Variants in GRM8 observed in about 807,000 individuals in gnomAD.
GRM8 encodes the protein glutamate metabotropic receptor 8.
GRM8 carries 47 observed loss-of-function variants against 87.2 expected under a neutral mutation model. The observed-to-expected ratio is 0.54, with a 90% CI of 0.43 to 0.69. The LOEUF (loss-of-function observed/expected upper bound fraction) is 0.69. Ranked by LOEUF, GRM8 falls within the 30% of genes least tolerant of loss-of-function variation. The pLI, the probability that GRM8 is intolerant of heterozygous loss-of-function variation, is 0.00. For synonymous variants in GRM8, 396 were observed against 404.5 expected (o/e 0.98, Z 0.25); for missense variants, 1,019 against 1,139.2 (o/e 0.89, Z 1.52).
chr7:126,550,936 G>C (rs1028016511), intron 8 of GRM8, among the ~76,000 whole-genome samples: 1 of 151,270 alleles, frequency 6.6e-6, no homozygotes, highest in Non-Finnish European at 1.5e-5. Context: ...AAAAAAAAGA[G>C]AGGAAAAAAC....
At chr7:126,947,641 C>A (rs1807687528) in intron 3 of GRM8, among the ~76,000 whole-genome samples, 1 of 151,730 alleles carries the variant, frequency 6.6e-6, no homozygotes, top group Non-Finnish European at 1.5e-5. Flanking sequence ...TAGGTTCCTC[C>A]CAATATGAAC....
At chr7:126,854,103 T>C (rs890747184) in intron 6 of GRM8, among the ~76,000 whole-genome samples, 6 of 152,216 alleles carry the variant, frequency 3.9e-5, no homozygotes, top group African/African-American at 1.4e-4. Flanking sequence ...ACTGTAATTC[T>C]TTCTGGTTCA....
intron 7 of GRM8, among the ~76,000 whole-genome samples, chr7:126,765,178 G>T (rs1318002371): frequency 6.6e-6 from 1 of 152,018 alleles, no homozygotes; most frequent in East Asian, 1.9e-4. Flanking sequence ...CCTGGAAATG[G>T]AGATCCTCTG....
At chr7:127,069,456 G>A (rs1016514294) in intron 3 of GRM8, among the ~76,000 whole-genome samples, 1 of 151,878 alleles carries the variant, frequency 6.6e-6, no homozygotes, top group Admixed American at 6.6e-5. Flanking sequence ...AAGCCACTGT[G>A]CCTGGCCAAT....
chr7:126,614,369 C>T (rs1490614223), intron 7 of GRM8, among the ~76,000 whole-genome samples: 1 of 152,172 alleles, frequency 6.6e-6, no homozygotes, highest in African/African-American at 2.4e-5. Flanking sequence ...ACCAAAACCA[C>T]ATCTGTACAT....
At chr7:126,763,103 C>A (rs1349304557) in intron 7 of GRM8, among the ~76,000 whole-genome samples, 1 of 108,998 alleles carries the variant, frequency 9.2e-6, no homozygotes, top group African/African-American at 4.3e-5. Context: ...TGTTTTGACA[C>A]AACACCCCCC....
At chr7:126,734,431 A>C (rs1036043365) in intron 7 of GRM8, among the ~76,000 whole-genome samples, 3 of 151,784 alleles carry the variant, frequency 2.0e-5, no homozygotes, top group Non-Finnish European at 4.4e-5. Context: ...AGCCAGATTA[A>C]TAAAATAGAC....
intron 2 of GRM8, among the ~76,000 whole-genome samples, chr7:127,129,863 A>C (rs1313770227): frequency 1.3e-5 from 2 of 152,178 alleles, no homozygotes; most frequent in Non-Finnish European, 2.9e-5. Flanking sequence ...TCTCTGAGTC[A>C]TTTCTCAGTA....
intron 7 of GRM8, among the ~76,000 whole-genome samples, chr7:126,730,926 A>G (rs1427958229): frequency 6.6e-6 from 1 of 152,168 alleles, no homozygotes; most frequent in Non-Finnish European, 1.5e-5. Context: ...ATAAATCTGT[A>G]TAACATCTCT....
chr7:126,444,250 C>T (rs2074885033), intron 10 of GRM8, among the ~76,000 whole-genome samples: 1 of 152,008 alleles, frequency 6.6e-6, no homozygotes, highest in African/African-American at 2.4e-5. Flanking sequence ...AAATTCTGTC[C>T]TCAAATCACA....
intron 8 of GRM8, among the ~76,000 whole-genome samples, chr7:126,606,560 G>A (rs1585200762): frequency 6.6e-6 from 1 of 152,092 alleles, no homozygotes; most frequent in Non-Finnish European, 1.5e-5. Flanking sequence ...CTTCAAGCAG[G>A]TGACTAATCC....
intron 8 of GRM8, among the ~76,000 whole-genome samples, chr7:126,606,726 T>C (rs1355088043): frequency 1.3e-5 from 2 of 152,242 alleles, no homozygotes; most frequent in African/African-American, 4.8e-5. Context: ...TAGTTATAAA[T>C]GATCATAATC....
intron 7 of GRM8, among the ~76,000 whole-genome samples, chr7:126,654,356 A>G (rs1187118434): frequency 1.3e-5 from 2 of 152,156 alleles, no homozygotes; most frequent in African/African-American, 2.4e-5. Context: ...CTTTATCTTC[A>G]AATTGAAGAA....
chr7:127,125,800 A>ACACACAC (rs1491333155), intron 2 of GRM8, among the ~76,000 whole-genome samples: 5 of 146,900 alleles, frequency 3.4e-5, no homozygotes, highest in Non-Finnish European at 6.2e-5. Context: ...ACACACACAC[A>ACACACAC]AATAACTATT....
rs202079119 is a variant in GRM8, at chr7:127,154,733, CT to C, written c.511-48022del. ...CCTTTTTCCAACCCATGGACTATAA[CT>C]TTTTTTTTTTAACTAATTTCAGGAA... On this transcript the variant is annotated intron_variant, in intron 2 of 10. Transcript: ENST00000339582. Among the ~76,000 whole-genome samples the C allele has an allele frequency of 4.0e-4, 59 of 147,712 alleles. 1 individual carries two copies. The highest frequency in any genetic ancestry group is 9.9e-4 in the East Asian group (5 of 5,076).
At chr7:126,692,823 A>G (rs1202191503) in intron 7 of GRM8, among the ~76,000 whole-genome samples, 1 of 152,204 alleles carries the variant, frequency 6.6e-6, no homozygotes, top group East Asian at 1.9e-4. Context: ...GATTCCTATC[A>G]AAGGTCAAAT....
At chr7:126,681,540 C>T (rs1276332308) in intron 7 of GRM8, among the ~76,000 whole-genome samples, 1 of 152,244 alleles carries the variant, frequency 6.6e-6, no homozygotes, top group Non-Finnish European at 1.5e-5. Context: ...TGGAGCTATT[C>T]CTCATCAGAG....
chr7:126,849,876 G>A (rs1469840365), intron 6 of GRM8, among the ~76,000 whole-genome samples: 1 of 151,854 alleles, frequency 6.6e-6, no homozygotes, highest in Non-Finnish European at 1.5e-5. Flanking sequence ...AAAGAACACG[G>A]CCCCAACAGT....
intron 3 of GRM8, among the ~76,000 whole-genome samples, chr7:126,965,977 T>G (rs538035713): frequency 1.3e-5 from 2 of 152,032 alleles, no homozygotes; most frequent in South Asian, 4.2e-4. Flanking sequence ...TAGCACAATG[T>G]GTGGCCATAG....
Sources: gnomAD v4.1 joint callset for allele counts (sites outside exome capture counted in the v4.1 genomes callset) on GRCh38, gnomAD v4.1.1 for gene constraint, MANE v1.5 for transcripts, NCBI Gene and HGNC (gene_info 2026-07-23, HGNC 2026-07-21) for gene names.